The following RPS6KA2 variants were observed in gnomAD, a reference collection of about 807,000 sequenced individuals.
The protein encoded by RPS6KA2 is ribosomal protein S6 kinase alpha-2.
RPS6KA2 carries 42 observed loss-of-function variants against 91.8 expected under a neutral mutation model. That is an observed-to-expected ratio of 0.46 (90% confidence interval 0.36 to 0.59). The LOEUF (loss-of-function observed/expected upper bound fraction) is 0.59. Among genes scored for constraint, RPS6KA2 ranks in the 20% least tolerant of loss-of-function variants. The probability of loss-of-function intolerance (pLI) is 0.00; values close to 1 mark genes in which losing one functional copy is unlikely to be tolerated. For synonymous variants in RPS6KA2, 414 were observed against 393.6 expected (o/e 1.05, Z -0.61); for missense variants, 798 against 978.5 (o/e 0.82, Z 2.46).
chr6:166,603,714 G>A lies in RPS6KA2; in HGVS notation c.99+23207C>T, dbSNP rs1785836483. On this transcript the variant is annotated intron_variant, in intron 1 of 20. Transcript: ENST00000265678. This position sits in a 1 kb window ranked among gnomAD's most constrained non-coding sequence, Gnocchi z 4.3. ...GGCTCAAGTTAGACAAAGTTAACAG[G>A]CACAGGAAGGATACTGAATATTGCG... Among the ~76,000 whole-genome samples, 1 of 152,184 alleles carries A rather than the reference G, an allele frequency of 6.6e-6. No individual in the cohort carries two copies.
intron 16 of RPS6KA2, among the ~76,000 whole-genome samples, chr6:166,429,102 A>C (rs892676433): frequency 6.6e-6 from 1 of 152,146 alleles, no homozygotes; most frequent in Admixed American, 6.5e-5. Flanking sequence ...AATACTATGC[A>C]GCCATAAAAA....
intron 2 of RPS6KA2, among the ~76,000 whole-genome samples, chr6:166,722,168 G>C (rs1790195465): frequency 6.6e-6 from 1 of 152,198 alleles, no homozygotes; most frequent in South Asian, 2.1e-4. Context: ...AGAAAGTGGA[G>C]TGTGACTCAG....
chr6:166,755,307 G>A (rs1777975438), intron 2 of RPS6KA2, among the ~76,000 whole-genome samples: 1 of 151,932 alleles, frequency 6.6e-6, no homozygotes, highest in Non-Finnish European at 1.5e-5. Flanking sequence ...CTACAACCCC[G>A]GGCATGGCAA....
rs78931424 is a variant in RPS6KA2, at chr6:166,605,358, T to A, written c.99+21563A>T. 1.4e-4 allele frequency among the ~76,000 whole-genome samples: 22 copies of A among 152,208 alleles called. No homozygotes were observed. The East Asian group carries it at 4.3e-3, about 30-fold the overall frequency. On this transcript the variant is annotated intron_variant, in intron 1 of 20. Coordinates refer to ENST00000265678, the MANE Select transcript of RPS6KA2 (RefSeq NM_021135.6). ...TAGATTACGAGCTCCTTAAAAGGCA[T>A]CCCTTGGGTGGTCACGTAGCCTAAA... is the stretch of plus-strand genomic sequence containing the variant.
intron 6 of RPS6KA2, among the ~76,000 whole-genome samples, chr6:166,502,031 G>T (rs1296013250): frequency 6.6e-6 from 1 of 152,232 alleles, no homozygotes; most frequent in Non-Finnish European, 1.5e-5. Context: ...CAGAGTCACA[G>T]AGATGGAAAG....
intron 2 of RPS6KA2, chr6:166,702,055 C>G: frequency 1.7e-6 from 2 of 1,180,716 alleles, no homozygotes; most frequent in Non-Finnish European, 2.5e-6. Context: ...CCAGAATAGA[C>G]TTACAAGCCG....
chr6:166,425,052 T>C (rs1778858576), intron 16 of RPS6KA2, among the ~76,000 whole-genome samples: 1 of 150,968 alleles, frequency 6.6e-6, no homozygotes, highest in African/African-American at 2.5e-5. Flanking sequence ...CCTCCTGTCC[T>C]CTCTGCCTGG....
At chr6:166,479,783 G>A (rs1781122141) in intron 10 of RPS6KA2, among the ~76,000 whole-genome samples, 2 of 152,242 alleles carry the variant, frequency 1.3e-5, no homozygotes, top group African/African-American at 2.4e-5. Flanking sequence ...CGCTGTAGGA[G>A]CTGCTTGCCT....
At chr6:166,415,974 T>C (rs1166236461) in intron 19 of RPS6KA2, among the ~76,000 whole-genome samples, 7 of 95,222 alleles carry the variant, frequency 7.4e-5, no homozygotes, top group Admixed American at 1.1e-4. Context: ...ATCTTCACCA[T>C]CTCCACCATC....
At position 166,832,035 on chromosome 6, in the gene RPS6KA2, A is replaced by ATGAT. The variant is rs1199287218; in HGVS notation, c.123+26161_123+26164dup. On this transcript the variant is annotated intron_variant, in intron 2 of 21. Coordinates refer to the RPS6KA2 transcript ENST00000503859. ...ATATACATACATGTATAGATGATAC[A>ATGAT]TGATAGATAGATAGATAGATAGATA... Among the ~76,000 whole-genome samples the ATGAT allele has an allele frequency of 2.7e-3, 349 of 131,068 alleles. 2 individuals carry two copies. Among genetic ancestry groups the ATGAT allele is most frequent in the African/African-American group, 9.8e-3 (342 of 34,722 alleles). The allele number at this position is 131,068 out of a possible 152,430, so 86.0% of individuals were successfully genotyped here.
chr6:166,453,443 A>C (rs1469152705), intron 12 of RPS6KA2, among the ~76,000 whole-genome samples: 3 of 152,230 alleles, frequency 2.0e-5, no homozygotes, highest in African/African-American at 7.2e-5. Context: ...AAGAAGACAT[A>C]CAGATGGCCA....
intron 2 of RPS6KA2, among the ~76,000 whole-genome samples, chr6:166,831,218 G>A (rs914853104): frequency 5.9e-5 from 9 of 152,056 alleles, no homozygotes; most frequent in Non-Finnish European, 1.0e-4. Flanking sequence ...TTGGTCCTGC[G>A]CACCTCACTA....
rs1478023115 is a variant in RPS6KA2, at chr6:166,825,083, C to A, written c.123+33117G>T. Among the ~76,000 whole-genome samples, 1 of 152,228 alleles carries A rather than the reference C, an allele frequency of 6.6e-6. No individual in the cohort carries two copies. Among genetic ancestry groups the A allele is most frequent in the East Asian group, 1.9e-4 (1 of 5,206 alleles). ...AGTGCTGCAGAGCGCTGTTCTTCCACGAGGGAATAGCAGGGCCTCTAAAAA... is the reference window on the plus strand; with the variant it reads ...AGTGCTGCAGAGCGCTGTTCTTCCAAGAGGGAATAGCAGGGCCTCTAAAAA... On this transcript the variant is annotated intron_variant, in intron 2 of 21. Coordinates refer to the RPS6KA2 transcript ENST00000503859. This position sits in a 1 kb window ranked among gnomAD's most constrained non-coding sequence, Gnocchi z 4.1.
chr6:166,615,775 AC>A (rs1010749158), intron 1 of RPS6KA2, among the ~76,000 whole-genome samples: 5 of 151,530 alleles, frequency 3.3e-5, no homozygotes, highest in African/African-American at 4.9e-5. Context: ...GGGAGAGCAC[AC>A]CCCCCCAGGA....
intron 20 of RPS6KA2, among the ~76,000 whole-genome samples, 159 bp from the exon 21 acceptor site, chr6:166,413,046 C>T (rs969906754): frequency 6.6e-6 from 1 of 152,130 alleles, no homozygotes; most frequent in Non-Finnish European, 1.5e-5. Flanking sequence ...AGCCTGCCGC[C>T]AGGGGCCAGC....
At chr6:166,826,619 G>A (rs1780054697) in intron 2 of RPS6KA2, among the ~76,000 whole-genome samples, 1 of 152,138 alleles carries the variant, frequency 6.6e-6, no homozygotes, top group Admixed American at 6.5e-5. Context: ...TTATAAAATT[G>A]TCCCCTGAAT....
chr6:166,792,019 C>G (rs1562442320), intron 2 of RPS6KA2, among the ~76,000 whole-genome samples: 1 of 151,726 alleles, frequency 6.6e-6, no homozygotes, highest in African/African-American at 2.4e-5. Context: ...AAGATCAGAA[C>G]AGAACTGAAG....
intron 1 of RPS6KA2, among the ~76,000 whole-genome samples, chr6:166,621,094 C>T (rs1358098844): frequency 1.3e-5 from 2 of 152,214 alleles, no homozygotes; most frequent in African/African-American, 4.8e-5. Context: ...GGAGCATTCG[C>T]CGAATGGAAT....
At chr6:166,455,340 G>A (rs1242272004) in intron 12 of RPS6KA2, among the ~76,000 whole-genome samples, 1 of 152,146 alleles carries the variant, frequency 6.6e-6, no homozygotes, top group Non-Finnish European at 1.5e-5. Context: ...TGGTGCAAGC[G>A]GGGGCCAGGC....
Sources: gnomAD v4.1 joint callset for allele counts (sites outside exome capture counted in the v4.1 genomes callset) on GRCh38, gnomAD v4.1.1 for gene constraint, Gnocchi (gnomAD v3.1) non-coding constraint, MANE v1.5 for transcripts, NCBI Gene and HGNC (gene_info 2026-07-23, HGNC 2026-07-21) for gene names.